Variants in SPATA13 observed in about 807,000 individuals in gnomAD.
SPATA13 encodes the protein spermatogenesis-associated protein 13.
SPATA13 carries 50 observed loss-of-function variants against 104.0 expected under a neutral mutation model. The ratio of observed to expected loss-of-function variants is 0.48; its 90% CI spans 0.38 to 0.61. The LOEUF (loss-of-function observed/expected upper bound fraction) is 0.61. SPATA13 is among the 20% of genes least tolerant of loss of function. The pLI is 0.00. For missense variants in SPATA13, 1,524 were observed against 1,690.6 expected (o/e 0.90, Z 1.73); for synonymous variants, 606 against 667.5 (o/e 0.91, Z 1.42).
At chr13:23,993,293 T>G (rs1235867378) in intron 2 of SPATA13, among the ~76,000 whole-genome samples, 3 of 152,226 alleles carry the variant, frequency 2.0e-5, no homozygotes, top group African/African-American at 4.8e-5. Context: ...GGCAGTGGCT[T>G]TCAACTGTTT....
At chr13:24,289,953 A>G (rs530274980) in intron 8 of SPATA13, among the ~76,000 whole-genome samples, 2 of 152,292 alleles carry the variant, frequency 1.3e-5, no homozygotes, top group South Asian at 4.1e-4. Flanking sequence ...GCTGGGCATA[A>G]TGTTTTTGTG....
chr13:24,204,915 G>T (rs1411250786), intron 1 of SPATA13, among the ~76,000 whole-genome samples: 4 of 152,032 alleles, frequency 2.6e-5, no homozygotes, highest in Admixed American at 2.6e-4. Flanking sequence ...GAACATCAGT[G>T]TATAAATATC....
At chr13:24,273,251 T>C (rs1343944576) in intron 4 of SPATA13, 1 of 152,690 alleles carries the variant, frequency 6.5e-6, no homozygotes, top group African/African-American at 2.4e-5. Context: ...GGAGTGGAGC[T>C]GCTGGCTTGG....
At chr13:24,203,235 G>GT (rs1870524318) in intron 1 of SPATA13, among the ~76,000 whole-genome samples, 1 of 151,636 alleles carries the variant, frequency 6.6e-6, no homozygotes, top group African/African-American at 2.4e-5. Flanking sequence ...CTCTTCCCCA[G>GT]TGCCCTCTTT....
chr13:24,224,788 C>G, intron 2 of SPATA13: 1 of 659,572 alleles, frequency 1.5e-6, no homozygotes, highest in South Asian at 1.6e-5. Context: ...AATAAATTGA[C>G]AATGTACGAG....
intron 9 of SPATA13, among the ~76,000 whole-genome samples, chr13:24,291,343 C>A (rs1324080532): frequency 1.3e-5 from 2 of 152,190 alleles, no homozygotes; most frequent in Non-Finnish European, 2.9e-5. Context: ...ACATTACTTA[C>A]TAGTGGCTTA....
intron 2 of SPATA13, among the ~76,000 whole-genome samples, chr13:24,245,615 C>T (rs1421476575): frequency 2.5e-5 from 2 of 81,290 alleles, no homozygotes; most frequent in Non-Finnish European, 4.6e-5. Flanking sequence ...TTTTAGACAA[C>T]AGGTCTTGCT....
chr13:24,079,614 G>A (rs1879444545), intron 3 of SPATA13, among the ~76,000 whole-genome samples: 1 of 152,160 alleles, frequency 6.6e-6, no homozygotes, highest in Non-Finnish European at 1.5e-5. Flanking sequence ...CGGCTTGAGG[G>A]AGAGACTTTT....
intron 4 of SPATA13, among the ~76,000 whole-genome samples, chr13:24,264,729 G>T (rs1874213472): frequency 6.6e-6 from 1 of 152,152 alleles, no homozygotes; most frequent in African/African-American, 2.4e-5. Flanking sequence ...AAATAACCAG[G>T]TAAATACAGA....
At chr13:24,275,548 T>C (rs1255516492) in intron 4 of SPATA13, among the ~76,000 whole-genome samples, 1 of 152,236 alleles carries the variant, frequency 6.6e-6, no homozygotes, top group Non-Finnish European at 1.5e-5. Context: ...CTCTGTCTGC[T>C]CTCATATTGA....
chr13:24,274,384 G>A (rs1315488851), intron 4 of SPATA13, among the ~76,000 whole-genome samples: 1 of 152,202 alleles, frequency 6.6e-6, no homozygotes, highest in Non-Finnish European at 1.5e-5. Context: ...TGACTCAGTG[G>A]CCCAGGGCAG....
chr13:24,296,839 C>G (rs1271001054), intron 10 of SPATA13, among the ~76,000 whole-genome samples: 5 of 152,012 alleles, frequency 3.3e-5, no homozygotes, highest in Admixed American at 3.3e-4. Context: ...ATTTCAGGCA[C>G]CAGGAGACCA....
At chr13:24,045,454 C>T (rs1878107349) in intron 3 of SPATA13, among the ~76,000 whole-genome samples, 1 of 88,816 alleles carries the variant, frequency 1.1e-5, no homozygotes, top group South Asian at 5.2e-4. Context: ...GACATGAAAA[C>T]ATCAAATGCC....
At chr13:24,079,266 C>T (rs1879429628) in intron 3 of SPATA13, among the ~76,000 whole-genome samples, 1 of 152,168 alleles carries the variant, frequency 6.6e-6, no homozygotes, top group Admixed American at 6.5e-5. Context: ...ATCCAGCCAT[C>T]CAGGGCCTTG....
intron 9 of SPATA13, among the ~76,000 whole-genome samples, chr13:24,291,818 G>A (rs1449177581): frequency 1.3e-5 from 2 of 149,116 alleles, no homozygotes; most frequent in Non-Finnish European, 3.0e-5. Flanking sequence ...CTGCAGTGGC[G>A]CAATCTCGGC....
chr13:24,222,849 G>T lies in SPATA13; in HGVS notation c.-81G>T. Reference sequence around the variant, plus strand: ...GGCCACCCAGGAGCCCGATGTGCAAGGCAGGTGTGAGTGCCAGGACGGCAT... The same window carrying T: ...GGCCACCCAGGAGCCCGATGTGCAATGCAGGTGTGAGTGCCAGGACGGCAT... On this transcript the variant is annotated 5_prime_UTR_variant, in exon 2 of 13. The change creates a new upstream start codon in the 5' untranslated region. Coordinates refer to ENST00000382108, the MANE Select transcript of SPATA13 (RefSeq NM_001166271.3). 1 of 1,535,478 alleles carries T rather than the reference G, an allele frequency of 6.5e-7. No individual in the cohort carries two copies. Among genetic ancestry groups the T allele is most frequent in the Non-Finnish European group, 8.8e-7 (1 of 1,137,130 alleles).
intron 3 of SPATA13, among the ~76,000 whole-genome samples, chr13:24,120,648 G>A (rs1179343178): frequency 1.3e-5 from 2 of 152,146 alleles, no homozygotes; most frequent in African/African-American, 4.8e-5. Flanking sequence ...GTTCCATGAA[G>A]GTGAAATATT....
chr13:24,102,247 T>A (rs1292018252), intron 3 of SPATA13, among the ~76,000 whole-genome samples: 1 of 152,210 alleles, frequency 6.6e-6, no homozygotes, highest in Non-Finnish European at 1.5e-5. Context: ...TGAACATCTT[T>A]CCATGTGCCT....
In SPATA13 at chr13:23,986,168, T is replaced by A. The variant is rs144501510; in HGVS notation, c.-147+2235T>A. Among the ~76,000 whole-genome samples, 306 of 152,354 alleles carry A rather than the reference T, an allele frequency of 2.0e-3. 1 individual carries two copies. Among genetic ancestry groups the A allele is most frequent in the Admixed American group, 4.1e-3 (62 of 15,304 alleles). ...CATGGTCTCGCATGTACACATTAGG[T>A]ATTTCGGCTCGCCCAGGGACCTAGT... On this transcript the variant is annotated intron_variant, in intron 2 of 14. Coordinates refer to the SPATA13 transcript ENST00000424834.
Sources: allele counts gnomAD v4.1 joint callset (sites outside exome capture counted in the v4.1 genomes callset), GRCh38; gene constraint gnomAD v4.1.1; transcripts MANE v1.5; gene names NCBI Gene and HGNC (gene_info 2026-07-23, HGNC 2026-07-21).